CACNA1C: variants seen among roughly 807,000 people sequenced by gnomAD.
CACNA1C encodes the protein voltage-dependent L-type calcium channel subunit alpha-1C.
Under a neutral mutation model 229.0 loss-of-function variants are expected in CACNA1C, and 30 were observed. The observed-to-expected ratio is 0.13, with a 90% CI of 0.10 to 0.18. The LOEUF (loss-of-function observed/expected upper bound fraction) is 0.18, where lower values mean the gene tolerates loss of function less well. Ranked by LOEUF, CACNA1C falls within the 10% of genes least tolerant of loss-of-function variation. CACNA1C has a pLI of 1.00. For missense variants in CACNA1C, 1,658 were observed against 2,845.0 expected (o/e 0.58, Z 9.49); for synonymous variants, 1,114 against 1,132.5 (o/e 0.98, Z 0.33).
intron 9 of CACNA1C, among the ~76,000 whole-genome samples, chr12:2,528,525 A>G (rs925245732): frequency 6.6e-6 from 1 of 152,180 alleles, no homozygotes; most frequent in Non-Finnish European, 1.5e-5. Context: ...TGATCTCTGC[A>G]CGGAAAGCCC....
chr12:2,022,056 G>A (rs1270398289), intron 1 of CACNA1C, among the ~76,000 whole-genome samples: 4 of 152,190 alleles, frequency 2.6e-5, no homozygotes, highest in Non-Finnish European at 4.4e-5. Context: ...CTGTCTAGGT[G>A]GAGTTGGCAA....
intron 3 of CACNA1C, among the ~76,000 whole-genome samples, chr12:2,239,258 C>G (rs560907412): frequency 1.3e-5 from 2 of 152,284 alleles, no homozygotes; most frequent in East Asian, 3.9e-4. Context: ...GTTTGGTCCC[C>G]TCCATCAGGG....
At chr12:2,197,208 G>A (rs543795240) in intron 3 of CACNA1C, among the ~76,000 whole-genome samples, 99 of 152,230 alleles carry the variant, frequency 6.5e-4, no homozygotes, top group Middle Eastern at 3.4e-3. Context: ...TACCCACCAC[G>A]CCCTCGGGAA....
chr12:2,606,775 G>T (rs112353655), intron 25 of CACNA1C, 112 bp downstream of exon 25: 10 of 1,003,740 alleles, frequency 1.0e-5, no homozygotes, highest in Non-Finnish European at 1.5e-5. Flanking sequence ...TGGCACCTGC[G>T]CTCTGCCTGT....
At chr12:2,352,219 T>G (rs771537192) in intron 3 of CACNA1C, among the ~76,000 whole-genome samples, 3 of 152,188 alleles carry the variant, frequency 2.0e-5, no homozygotes, top group Non-Finnish European at 4.4e-5. Flanking sequence ...GGCACCGACT[T>G]GAAGACATTA....
In CACNA1C at chr12:2,231,573, T is replaced by C. The variant is rs545086402; in HGVS notation, c.477+111143T>C. Among the ~76,000 whole-genome samples, 6 of 152,268 alleles carry C rather than the reference T, an allele frequency of 3.9e-5. No individual in the cohort carries two copies. The South Asian group carries it at 1.2e-3, about 32-fold the overall frequency. On this transcript the variant is annotated intron_variant, in intron 3 of 46. Transcript: ENST00000399655. ...CAAATGAGCTATCCAAGATCACAAA[T>C]GGGTTTTGTTTCTGTTTCTGATTTT...
chr12:2,540,007 G>T (rs972022759), intron 9 of CACNA1C, among the ~76,000 whole-genome samples: 6 of 152,202 alleles, frequency 3.9e-5, no homozygotes, highest in African/African-American at 1.4e-4. Context: ...CAGCTATGTG[G>T]AGAGGGCCAT....
intron 1 of CACNA1C, among the ~76,000 whole-genome samples, chr12:2,073,156 C>T (rs973862956): frequency 1.2e-4 from 19 of 152,132 alleles, no homozygotes; most frequent in African/African-American, 3.9e-4. Context: ...AGCTCCAGTG[C>T]ACAGGCAGAT....
rs115003263 is a variant in CACNA1C at position 2,260,805 on chromosome 12, G to A, written c.477+140375G>A. On this transcript the variant is annotated intron_variant, in intron 3 of 46. Coordinates refer to ENST00000399655, the MANE Select transcript of CACNA1C (RefSeq NM_000719.7). ...TCTGAGAATTAAATGAGTTAATGCA[G>A]AAGTTCTGAGCCTTTTTGGTCTCAG... Among the ~76,000 whole-genome samples the A allele has an allele frequency of 9.2e-3, 1,397 of 152,326 alleles. 19 individuals carry two copies. Among genetic ancestry groups the A allele is most frequent in the African/African-American group, 0.032 (1,337 of 41,558 alleles).
chr12:2,313,352 A>T (rs1361409154), intron 3 of CACNA1C, among the ~76,000 whole-genome samples: 6 of 152,088 alleles, frequency 3.9e-5, no homozygotes, highest in African/African-American at 7.2e-5. Context: ...GATCATTCAG[A>T]CTTAACTTCC....
At chr12:2,494,742 C>A (rs930739414) in intron 7 of CACNA1C, among the ~76,000 whole-genome samples, 38 of 152,198 alleles carry the variant, frequency 2.5e-4, no homozygotes, top group Non-Finnish European at 7.3e-5. Context: ...TTTAAAAGCA[C>A]CATGTCCTGT....
chr12:2,469,197 G>A (rs1405772237), intron 5 of CACNA1C, among the ~76,000 whole-genome samples: 2 of 152,116 alleles, frequency 1.3e-5, no homozygotes. Flanking sequence ...AGGAGAAATG[G>A]TTCTGTGCCT....
intron 3 of CACNA1C, among the ~76,000 whole-genome samples, chr12:2,330,506 A>AT (rs1368262033): frequency 2.6e-5 from 4 of 152,224 alleles, no homozygotes; most frequent in Admixed American, 2.0e-4. Context: ...AGGTGCACTG[A>AT]TTAGCCCCAT....
chr12:2,191,280 A>T (rs2097202071), intron 3 of CACNA1C, among the ~76,000 whole-genome samples: 1 of 152,080 alleles, frequency 6.6e-6, no homozygotes, highest in Non-Finnish European at 1.5e-5. Context: ...GACAGACTGA[A>T]GCGCCGGCCC....
chr12:2,200,231 TA>T (rs1208736447), intron 3 of CACNA1C, among the ~76,000 whole-genome samples: 1 of 152,208 alleles, frequency 6.6e-6, no homozygotes, highest in Non-Finnish European at 1.5e-5. Context: ...TAGTAATGTG[TA>T]AAAACTCTCC....
chr12:2,342,176 T>A (rs917557233), intron 3 of CACNA1C, among the ~76,000 whole-genome samples: 4 of 152,220 alleles, frequency 2.6e-5, no homozygotes, highest in Admixed American at 6.5e-5. Flanking sequence ...ACCCGACAGA[T>A]TGCAGTATGA....
chr12:2,200,949 C>G (rs1362375603), intron 3 of CACNA1C, among the ~76,000 whole-genome samples: 1 of 152,160 alleles, frequency 6.6e-6, no homozygotes, highest in South Asian at 2.1e-4. Flanking sequence ...GTGCTTTTAT[C>G]CAATGAAGGT....
At chr12:2,143,474 T>C (rs1160587133) in intron 3 of CACNA1C, among the ~76,000 whole-genome samples, 3 of 151,170 alleles carry the variant, frequency 2.0e-5, no homozygotes, top group African/African-American at 7.3e-5. Flanking sequence ...GATTATTTTT[T>C]ATGTACCTTA....
intron 3 of CACNA1C, among the ~76,000 whole-genome samples, chr12:2,373,060 C>T (rs1047260548): frequency 3.9e-5 from 6 of 152,306 alleles, no homozygotes; most frequent in African/African-American, 1.4e-4. Flanking sequence ...TGGTCTGTGG[C>T]GGGAGAAGTG....
Sources: gnomAD v4.1 joint callset for allele counts (sites outside exome capture counted in the v4.1 genomes callset) on GRCh38, gnomAD v4.1.1 for gene constraint, MANE v1.5 for transcripts, NCBI Gene and HGNC (gene_info 2026-07-23, HGNC 2026-07-21) for gene names.